Variants in SLC39A8 observed in about 807,000 individuals in gnomAD.
The protein encoded by SLC39A8 is metal cation symporter ZIP8.
SLC39A8 carries 15 observed loss-of-function variants against 40.4 expected under a neutral mutation model. The observed-to-expected ratio is 0.37, with a 90% CI of 0.25 to 0.57. The LOEUF is 0.57. Among genes scored for constraint, SLC39A8 ranks in the 20% least tolerant of loss-of-function variants. SLC39A8 has a pLI of 0.75. For synonymous variants in SLC39A8, 223 were observed against 221.6 expected, an observed-to-expected ratio of 1.01 and a Z score of -0.06; for missense variants, 472 against 558.8, an observed-to-expected ratio of 0.84 and a Z score of 1.57.
At chr4:102,316,582 T>C (rs1270765973) in intron 2 of SLC39A8, among the ~76,000 whole-genome samples, 1 of 152,124 alleles carries the variant, frequency 6.6e-6, no homozygotes, top group African/African-American at 2.4e-5. Context: ...CTTGCATTAT[T>C]AAGAAAAATA....
At chr4:102,290,050 G>A (rs557541970) in intron 6 of SLC39A8, among the ~76,000 whole-genome samples, 17 of 152,194 alleles carry the variant, frequency 1.1e-4, no homozygotes, top group Non-Finnish European at 2.1e-4. Context: ...AGAAGCAATC[G>A]ATGTTGCAAA....
chr4:102,328,656 C>T lies in SLC39A8; in HGVS notation c.220-12826G>A, dbSNP rs542825700. On this transcript the variant is annotated intron_variant, in intron 2 of 8. Coordinates refer to ENST00000356736, the MANE Select transcript of SLC39A8 (RefSeq NM_001135146.2). ...GACATTATGCTAGTTATGGGCATAG[C>T]GGAGGCTTTCCAGGTAAACCCAGTC... 2.6e-5 allele frequency among the ~76,000 whole-genome samples: 4 copies of T among 152,264 alleles called. No individual in the cohort carries two copies. In the South Asian group the frequency reaches 6.2e-4, roughly 24 times the overall value.
intron 11 of SLC39A8, among the ~76,000 whole-genome samples, chr4:102,254,720 A>G (rs920240146): frequency 1.3e-5 from 2 of 152,218 alleles, no homozygotes; most frequent in African/African-American, 2.4e-5. Flanking sequence ...GGAGTTATCT[A>G]TGAAGTCTGA....
chr4:102,307,385 A>C, intron 4 of SLC39A8, 51 bp downstream of exon 4: 2 of 1,593,810 alleles, frequency 1.3e-6, no homozygotes, highest in South Asian at 2.3e-5. Flanking sequence ...AAAGTGCTAA[A>C]ACGTTCAAAA....
At chr4:102,302,509 T>A (rs1267943535) in intron 6 of SLC39A8, among the ~76,000 whole-genome samples, 1 of 152,032 alleles carries the variant, frequency 6.6e-6, no homozygotes, top group Admixed American at 6.6e-5. Flanking sequence ...CAGAAAGCAA[T>A]ATCCTTGGGT....
chr4:102,323,261 G>C (rs560482840), intron 2 of SLC39A8, among the ~76,000 whole-genome samples: 1 of 152,268 alleles, frequency 6.6e-6, no homozygotes, highest in South Asian at 2.1e-4. Context: ...CCTTCTCTGA[G>C]TCAGGTATTC....
In SLC39A8 at chr4:102,344,741, C is replaced by G. The variant is rs1383997882; in HGVS notation, c.-79G>C. The G allele has an allele frequency of 1.5e-6, 2 of 1,363,292 alleles. No individual in the cohort carries two copies. Among genetic ancestry groups the G allele is most frequent in the Non-Finnish European group, 1.9e-6 (2 of 1,065,846 alleles). The allele number at this position is 1,363,292 out of a possible 1,614,324, so 84.4% of individuals were successfully genotyped here. ...GCGCGCGGGCGCACTGGCGTCCTTG[C>G]CCAAGGGCGGGAGCGTCAGTGCTCG... On this transcript the variant is annotated 5_prime_UTR_variant, in exon 2 of 9. Coordinates refer to ENST00000356736, the MANE Select transcript of SLC39A8 (RefSeq NM_001135146.2).
At chr4:102,319,859 T>C (rs1734829016) in intron 2 of SLC39A8, among the ~76,000 whole-genome samples, 1 of 152,010 alleles carries the variant, frequency 6.6e-6, no homozygotes, top group African/African-American at 2.4e-5. Context: ...ATCGGTGGAC[T>C]CCGTTAAGTA....
intron 3 of SLC39A8, among the ~76,000 whole-genome samples, chr4:102,311,465 A>G (rs983606166): frequency 6.6e-6 from 1 of 152,088 alleles, no homozygotes; most frequent in African/African-American, 2.4e-5. Flanking sequence ...ACAAGAAGCC[A>G]CTTAACCTCT....
At chr4:102,333,254 T>A (rs1215333805) in intron 2 of SLC39A8, among the ~76,000 whole-genome samples, 2 of 152,154 alleles carry the variant, frequency 1.3e-5, no homozygotes, top group Non-Finnish European at 2.9e-5. Context: ...CAAGACTGGA[T>A]GCAGAGGGCG....
chr4:102,270,801 G>A (rs1732322194), intron 6 of SLC39A8, among the ~76,000 whole-genome samples: 1 of 152,104 alleles, frequency 6.6e-6, no homozygotes, highest in Non-Finnish European at 1.5e-5. Flanking sequence ...GAATGGGGGA[G>A]AAAGAATATC....
At chr4:102,253,671 G>A (rs895396272) in intron 11 of SLC39A8, among the ~76,000 whole-genome samples, 5 of 151,424 alleles carry the variant, frequency 3.3e-5, no homozygotes, top group African/African-American at 9.7e-5. Flanking sequence ...CGGTAAGTAC[G>A]TGTTTATTGA....
Position 102,271,052 on chromosome 4 carries a change from A to G in SLC39A8, c.841-2973T>C, listed in dbSNP as rs78913463. 7.2e-4 allele frequency among the ~76,000 whole-genome samples: 109 copies of G among 152,050 alleles called. 1 individual carries two copies. In the East Asian group the frequency reaches 0.018, roughly 25 times the overall value. Reference sequence around the variant, plus strand: ...GAGGAGGAGGAGGAGGAAGACAAGTATAAGGAGGATGAGAAGGAGGATGAG... The same window carrying G: ...GAGGAGGAGGAGGAGGAAGACAAGTGTAAGGAGGATGAGAAGGAGGATGAG... On this transcript the variant is annotated intron_variant, in intron 6 of 8. Transcript: ENST00000356736.
chr4:102,320,817 T>C (rs1734934304), intron 2 of SLC39A8, among the ~76,000 whole-genome samples: 1 of 149,256 alleles, frequency 6.7e-6, no homozygotes, highest in Non-Finnish European at 1.5e-5. Context: ...CTGTTGGTTT[T>C]GTTTCTCTGG....
intron 2 of SLC39A8, among the ~76,000 whole-genome samples, chr4:102,320,201 A>ATG (rs1560560879): frequency 1.5e-5 from 2 of 137,012 alleles, no homozygotes; most frequent in African/African-American, 5.5e-5. Context: ...GTATATATAT[A>ATG]TGTATATATA....
chr4:102,306,159 T>C (rs1000628800), intron 4 of SLC39A8, among the ~76,000 whole-genome samples: 14 of 152,020 alleles, frequency 9.2e-5, no homozygotes, highest in African/African-American at 3.1e-4. Context: ...ATTCTTTATA[T>C]TGTTAAACTT....
At chr4:102,308,166 A>G (rs1310510218) in intron 3 of SLC39A8, among the ~76,000 whole-genome samples, 1 of 152,032 alleles carries the variant, frequency 6.6e-6, no homozygotes, top group Non-Finnish European at 1.5e-5. Flanking sequence ...AGGTGGCACC[A>G]GCAGCACCTC....
chr4:102,335,361 G>A (rs1167520687), intron 2 of SLC39A8, among the ~76,000 whole-genome samples: 3 of 152,064 alleles, frequency 2.0e-5, no homozygotes, highest in Non-Finnish European at 4.4e-5. Context: ...TTTCCCTGTC[G>A]CTGAAGAGAT....
In SLC39A8 at chr4:102,269,185, ATCC is replaced by A. The variant is rs1318298718; in HGVS notation, c.841-1109_841-1107del. Reference sequence around the variant, plus strand: ...ATTAAAAAAAAAACATGCAATATATATCCAACAGAGAGGGGCTTACTTCAGAGC... The same window carrying A: ...ATTAAAAAAAAAACATGCAATATATAAACAGAGAGGGGCTTACTTCAGAGC... On this transcript the variant is annotated intron_variant, in intron 6 of 8. Coordinates refer to ENST00000356736, the MANE Select transcript of SLC39A8 (RefSeq NM_001135146.2). 2.0e-5 allele frequency among the ~76,000 whole-genome samples: 3 copies of A among 152,158 alleles called. No individual in the cohort carries two copies. In the East Asian group the frequency reaches 5.8e-4, roughly 29 times the overall value.
Sources: allele counts gnomAD v4.1 joint callset (sites outside exome capture counted in the v4.1 genomes callset), GRCh38; gene constraint gnomAD v4.1.1; transcripts MANE v1.5; gene names NCBI Gene and HGNC (gene_info 2026-07-23, HGNC 2026-07-21).